The following SYT16 variants were observed in gnomAD, a reference collection of about 807,000 sequenced individuals.
The protein encoded by SYT16 is synaptotagmin 16, also known as synaptotagmin-16.
A neutral mutation model predicts 61.4 loss-of-function variants in SYT16; 42 were observed. The observed-to-expected ratio is 0.68, with a 90% confidence interval of 0.53 to 0.89. SYT16 has a LOEUF of 0.89. Among genes scored for constraint, SYT16 ranks in the 40% least tolerant of loss-of-function variants. The pLI is 0.00. For synonymous variants in SYT16, 314 were observed against 302.3 expected, an observed-to-expected ratio of 1.04 and a Z score of -0.40; for missense variants, 804 against 807.3, an observed-to-expected ratio of 1.00 and a Z score of 0.05.
At position 61,996,286 on chromosome 14, in the gene SYT16, T is replaced by G; in HGVS notation, c.267T>G (p.Asp89Glu). 2 of 1,613,620 alleles carry G rather than the reference T, an allele frequency of 1.2e-6. No homozygotes were observed. The highest frequency in any genetic ancestry group is 1.7e-6 in the Non-Finnish European group (2 of 1,179,660). ...EDANSLFLEV[D>E]HFSCCNSDLQ... ...CAAATTCCTTGTTTCTTGAAGTGGATCATTTCTCATGTTGTAATAGTGATT... is the reference window on the plus strand; with the variant it reads ...CAAATTCCTTGTTTCTTGAAGTGGAGCATTTCTCATGTTGTAATAGTGATT... The change falls in exon 3 of 8, where the codon GAT (aspartate) becomes GAG (glutamate). Residue 89 changes from aspartate to glutamate, a missense_variant. Coordinates refer to ENST00000683842, the MANE Select transcript of SYT16 (RefSeq NM_001367656.1).
chr14:61,873,985 CATTAATACTCAGAATA>C (rs1301100116), intron 1 of SYT16, among the ~76,000 whole-genome samples: 1 of 152,072 alleles, frequency 6.6e-6, no homozygotes, highest in Non-Finnish European at 1.5e-5. Flanking sequence ...TCAGTAATTG[CATTAATACTCAGAATA>C]ATTAATACTC....
chr14:61,855,751 T>A (rs2046754405), intron 1 of SYT16, among the ~76,000 whole-genome samples: 4 of 152,240 alleles, frequency 2.6e-5, no homozygotes, highest in Admixed American at 2.6e-4. Context: ...AGTAGAGTGG[T>A]AATTATGTTG....
At chr14:61,836,448 G>A (rs1450045426) in intron 1 of SYT16, among the ~76,000 whole-genome samples, 1 of 152,168 alleles carries the variant, frequency 6.6e-6, no homozygotes. Context: ...AGGGATAGGA[G>A]AAGTTTATAT....
chr14:62,015,216 T>C (rs2053622092), intron 3 of SYT16, among the ~76,000 whole-genome samples: 1 of 152,194 alleles, frequency 6.6e-6, no homozygotes, highest in Non-Finnish European at 1.5e-5. Flanking sequence ...TGTAGACTCT[T>C]TGAGGGGTTT....
chr14:62,058,987 A>G (rs1439580995), intron 3 of SYT16, among the ~76,000 whole-genome samples: 3 of 152,106 alleles, frequency 2.0e-5, no homozygotes, highest in South Asian at 2.1e-4. Flanking sequence ...ATCAAATACC[A>G]CATGTTCTCA....
chr14:61,855,245 T>C (rs1334112596), intron 1 of SYT16, among the ~76,000 whole-genome samples: 5 of 152,236 alleles, frequency 3.3e-5, no homozygotes, highest in Non-Finnish European at 5.9e-5. Context: ...GGAACAAGTT[T>C]ATCTTGCACC....
intron 1 of SYT16, among the ~76,000 whole-genome samples, chr14:61,842,432 CT>C (rs2046325255): frequency 6.6e-6 from 1 of 152,102 alleles, no homozygotes; most frequent in Non-Finnish European, 1.5e-5. Flanking sequence ...CAATGTTTGT[CT>C]TTCTGTGCCT....
intron 7 of SYT16, among the ~76,000 whole-genome samples, chr14:62,092,214 AC>A: frequency 6.9e-6 from 1 of 145,114 alleles, no homozygotes; most frequent in African/African-American, 2.7e-5. Context: ...ACACACACAC[AC>A]ACACACACAC....
At chr14:61,940,332 T>A (rs1287705180) in intron 1 of SYT16, among the ~76,000 whole-genome samples, 1 of 152,144 alleles carries the variant, frequency 6.6e-6, no homozygotes, top group Non-Finnish European at 1.5e-5. Context: ...TCTCTCTTGA[T>A]TTGAGACTAA....
chr14:62,069,075 C>T lies in SYT16; in HGVS notation c.524-528C>T, dbSNP rs58924385. Among the ~76,000 whole-genome samples, 542 of 152,262 alleles carry T rather than the reference C, an allele frequency of 3.6e-3. 20 individuals carry two copies. The East Asian group carries it at 0.086, about 24-fold the overall frequency. ...CCTCCCAACGTGCTGGGATTACAGG[C>T]GTGAGCCACTGCGTCTGGTGGGGTC... On this transcript the variant is annotated intron_variant, in intron 3 of 7. Transcript: ENST00000683842.
intron 1 of SYT16, among the ~76,000 whole-genome samples, chr14:61,901,762 A>AATAATTATTATT (rs1010775490): frequency 3.6e-5 from 5 of 138,848 alleles, no homozygotes; most frequent in African/African-American, 1.5e-4. Flanking sequence ...TAATAATAAT[A>AATAATTATTATT]ATTATTATTA....
rs1186835567 is a variant in SYT16 at position 62,043,399 on chromosome 14, TTTTC to T, written c.524-26196_524-26193del. Among the ~76,000 whole-genome samples, 10 of 149,536 alleles carry T rather than the reference TTTTC, an allele frequency of 6.7e-5. No individual in the cohort carries two copies. The East Asian group carries it at 1.2e-3, about 18-fold the overall frequency. On this transcript the variant is annotated intron_variant, in intron 3 of 7. Transcript: ENST00000683842. ...AAAAATCAGGAATGGATGTTGAAAT[TTTTC>T]TTTCTTTTTTTTTTTTTTTTTTGAG...
At chr14:62,011,536 C>T (rs1205512633) in intron 3 of SYT16, among the ~76,000 whole-genome samples, 1 of 152,112 alleles carries the variant, frequency 6.6e-6, no homozygotes, top group African/African-American at 2.4e-5. Context: ...ATTGGCCAGG[C>T]CTAAGTCACC....
intron 1 of SYT16, among the ~76,000 whole-genome samples, chr14:61,869,123 A>G (rs1374078192): frequency 6.6e-6 from 1 of 152,010 alleles, no homozygotes; most frequent in Non-Finnish European, 1.5e-5. Context: ...AGTGTGGTTT[A>G]TCTTTTTTCT....
chr14:61,981,115 G>C (rs1259418950), intron 2 of SYT16, among the ~76,000 whole-genome samples: 1 of 152,202 alleles, frequency 6.6e-6, no homozygotes, highest in Admixed American at 6.5e-5. Context: ...ACTGTCTGCT[G>C]CACAATTCCT....
intron 4 of SYT16, among the ~76,000 whole-genome samples, chr14:62,072,835 G>GT (rs2056348653): frequency 6.6e-6 from 1 of 152,052 alleles, no homozygotes; most frequent in Admixed American, 6.6e-5. Context: ...GAATAATGGG[G>GT]TTTTATTCCA....
intron 1 of SYT16, among the ~76,000 whole-genome samples, chr14:61,885,207 C>G (rs1482142118): frequency 3.9e-5 from 6 of 152,168 alleles, no homozygotes; most frequent in Admixed American, 1.3e-4. Flanking sequence ...TTGAACCAGA[C>G]TCTTGGATTC....
At chr14:62,007,580 C>T (rs772288264) in intron 3 of SYT16, among the ~76,000 whole-genome samples, 36 of 151,986 alleles carry the variant, frequency 2.4e-4, no homozygotes, top group Non-Finnish European at 2.5e-4. Flanking sequence ...CCCATTGTTA[C>T]GTATTTTGCA....
At chr14:61,969,889 C>T (rs2051475460) in intron 1 of SYT16, among the ~76,000 whole-genome samples, 1 of 152,132 alleles carries the variant, frequency 6.6e-6, no homozygotes, top group African/African-American at 2.4e-5. Context: ...ACTACACATT[C>T]AAAGGTATAG....
Sources: allele counts gnomAD v4.1 joint callset (sites outside exome capture counted in the v4.1 genomes callset), GRCh38; gene constraint gnomAD v4.1.1; transcripts MANE v1.5; gene names NCBI Gene and HGNC (gene_info 2026-07-23, HGNC 2026-07-21).